Variants in CC2D1B observed in about 807,000 individuals in gnomAD.
CC2D1B encodes coiled-coil and C2 domain containing 1B, also known as coiled-coil and C2 domain-containing protein 1B.
A neutral mutation model predicts 110.8 loss-of-function variants in CC2D1B; 92 were observed. The observed-to-expected ratio is 0.83, with a 90% CI of 0.70 to 0.99. The LOEUF (loss-of-function observed/expected upper bound fraction) is 0.99. CC2D1B is among the 50% of genes least tolerant of loss of function. CC2D1B has a pLI of 0.00. For missense variants in CC2D1B, 1,136 were observed against 1,089.0 expected, an observed-to-expected ratio of 1.04 and a Z score of -0.61; for synonymous variants, 406 against 429.2, an observed-to-expected ratio of 0.95 and a Z score of 0.67.
At chr1:52,360,358 G>T (rs952766600) in intron 6 of CC2D1B, 66 bp downstream of exon 6, 5 of 1,597,240 alleles carry the variant, frequency 3.1e-6, no homozygotes, top group Non-Finnish European at 4.3e-6. Flanking sequence ...CCACTGGTGC[G>T]ATCTCCACCA....
intron 24 of CC2D1B, 58 bp downstream of exon 24, chr1:52,353,460 G>A: frequency 6.4e-7 from 1 of 1,559,274 alleles, no homozygotes; most frequent in Non-Finnish European, 8.6e-7. Flanking sequence ...TATGAGTTGA[G>A]TAGTTAGTTG....
chr1:52,353,972 C>G (rs924988384), intron 23 of CC2D1B: 5 of 290,394 alleles, frequency 1.7e-5, no homozygotes, highest in African/African-American at 1.1e-4. Context: ...ACCCTCACTT[C>G]ACAGATGGCC....
intron 2 of CC2D1B, 34 bp downstream of exon 2, chr1:52,364,518 C>G: frequency 6.6e-7 from 1 of 1,514,432 alleles, no homozygotes; most frequent in Admixed American, 1.9e-5. Context: ...CATCCCCAAA[C>G]CGACCCAGTA....
intron 5 of CC2D1B, 132 bp downstream of exon 5, chr1:52,360,842 G>T: frequency 8.5e-7 from 1 of 1,172,846 alleles, no homozygotes; most frequent in Non-Finnish European, 1.2e-6. Flanking sequence ...CTCAGTTTCT[G>T]CTTGGGGCGG....
rs114283191 is a variant in CC2D1B at position 52,363,585 on chromosome 1, T to C, written c.70-839A>G. ...GTTGTGAAACAAACTTTCTACCCAT[T>C]AAACATTAACCCCCCTTCCTCCCCT... On this transcript the variant is annotated intron_variant, in intron 2 of 24. Coordinates refer to ENST00000284376, the MANE Select transcript of CC2D1B (RefSeq NM_001330585.2). Among the ~76,000 whole-genome samples the C allele has an allele frequency of 7.1e-4, 108 of 152,150 alleles. 1 individual carries two copies. The highest frequency in any genetic ancestry group is 2.6e-3 in the African/African-American group (107 of 41,504).
Position 52,354,687 on chromosome 1 carries a change from C to T in CC2D1B, c.2351G>A (p.Arg784Lys). The part of the protein sequence containing the change: ...FEIFHKGSFF[R>K]SDKLVGTAHL... ...TGCTGTGCCAACCAGCTTGTCGCTT[C>T]TGAAGAAGGACCTGGGGAGTCAAGA... The change falls in exon 23 of 25, where the codon AGA becomes AAA. Residue 784 changes from arginine to lysine, a missense_variant. Physicochemically the swap from Arg to Lys is conservative, Grantham distance 26 (BLOSUM62 2). Coordinates refer to ENST00000284376, the MANE Select transcript of CC2D1B (RefSeq NM_001330585.2). The T allele has an allele frequency of 6.2e-7, 1 of 1,614,218 alleles. No individual in the cohort carries two copies. Among genetic ancestry groups the T allele is most frequent in the South Asian group, 1.1e-5 (1 of 91,082 alleles).
intron 24 of CC2D1B, 92 bp from the exon 25 acceptor site, chr1:52,353,315 A>C: frequency 2.7e-6 from 4 of 1,477,482 alleles, no homozygotes; most frequent in Non-Finnish European, 3.6e-6. Flanking sequence ...AGATAGATAG[A>C]TAGATAGTTA....
rs1364940613 is a variant in CC2D1B, at chr1:52,351,364, T to TA, written c.*1860dup. ...TAGAGCTGGCTGGAACTTTAGAGGA[T>TA]AACCACAGTGGTCCGTAACCCTCTT... On this transcript the variant is annotated 3_prime_UTR_variant, in exon 25 of 25. Transcript: ENST00000284376. 3 of 152,170 alleles carry TA rather than the reference T, an allele frequency of 2.0e-5. No homozygotes were observed. Among genetic ancestry groups the TA allele is most frequent in the Non-Finnish European group, 4.4e-5 (3 of 68,030 alleles). The allele number at this position is 152,170 out of a possible 1,614,324, so 9.4% of individuals were successfully genotyped here. A position where few individuals can be genotyped will look rare whatever the true frequency, so the allele number is the denominator to read the frequency against.
At chr1:52,360,573 C>A in intron 5 of CC2D1B, 24 bp from the exon 6 acceptor site, 1 of 1,610,650 alleles carries the variant, frequency 6.2e-7, no homozygotes, top group Non-Finnish European at 8.5e-7. Context: ...AGCTAAGGGC[C>A]TGGCCACTCC....
chr1:52,358,557 A>ATGGC, intron 12 of CC2D1B, 96 bp from the exon 13 acceptor site: 2 of 1,590,474 alleles, frequency 1.3e-6, no homozygotes. Context: ...CTGCTGGGGC[A>ATGGC]TGGCTGGGAT....
At chr1:52,363,878 A>G (rs1469580106) in intron 2 of CC2D1B, among the ~76,000 whole-genome samples, 1 of 152,024 alleles carries the variant, frequency 6.6e-6, no homozygotes, top group Non-Finnish European at 1.5e-5. Context: ...ATGGGGTTTC[A>G]CTATGTTGGC....
chr1:52,356,323 A>G (rs775850354), intron 17 of CC2D1B, 21 bp from the exon 18 acceptor site: 5 of 1,614,046 alleles, frequency 3.1e-6, no homozygotes. Flanking sequence ...TGGGTATGTC[A>G]GCATGATGGT....
intron 5 of CC2D1B, 190 bp from the exon 6 acceptor site, chr1:52,360,739 C>A (rs1405569666): frequency 1.0e-6 from 1 of 974,582 alleles, no homozygotes; most frequent in African/African-American, 1.6e-5. Flanking sequence ...ATACAGAGCC[C>A]CACTTGGTGG....
intron 23 of CC2D1B, 65 bp from the exon 24 acceptor site, chr1:52,353,712 T>C: frequency 8.1e-7 from 1 of 1,228,034 alleles, no homozygotes; most frequent in South Asian, 1.4e-5. Context: ...GGCAGGTCCC[T>C]ACATTCCCAG....
At chr1:52,359,654 G>A (rs1557550261) in intron 8 of CC2D1B, 51 bp downstream of exon 8, 2 of 1,552,154 alleles carry the variant, frequency 1.3e-6, no homozygotes, top group Non-Finnish European at 1.7e-6. Flanking sequence ...TTCTGAGCCT[G>A]TTTCCCCTAT....
chr1:52,351,835 G>A lies in CC2D1B; in HGVS notation c.*1390C>T, dbSNP rs970268393. ...GGAGGTGGGGGTTGCAGCGAGCTGA[G>A]ATCATGCCACTGCACTCCAGCCTGG... On this transcript the variant is annotated 3_prime_UTR_variant, in exon 25 of 25. Transcript: ENST00000284376. 5.5e-5 allele frequency: 8 copies of A among 145,174 alleles called. No individual in the cohort carries two copies. The highest frequency in any genetic ancestry group is 1.8e-4 in the African/African-American group (7 of 38,504). 9.0% of individuals were successfully genotyped at this position (145,174 alleles called of 1,614,324 possible).
chr1:52,357,975 C>T, intron 13 of CC2D1B, 77 bp from the exon 14 acceptor site: 1 of 1,509,014 alleles, frequency 6.6e-7, no homozygotes, highest in Non-Finnish European at 8.9e-7. Context: ...CTTGGGCTGT[C>T]TTCCTAACAC....
At position 52,356,043 on chromosome 1, in the gene CC2D1B, C is replaced by T. The variant is rs1646644382; in HGVS notation, c.2054+143G>A. 4 of 881,324 alleles carry T rather than the reference C, an allele frequency of 4.5e-6. No homozygotes were observed. The Admixed American group carries it at 7.9e-5, about 17-fold the overall frequency. The allele number at this position is 881,324 out of a possible 1,614,324, so 54.6% of individuals were successfully genotyped here. ...CAGCTGTGCGCTCTCCACTAGCATG[C>T]ACCCTGTCGTCCTCAGCAGCCCCAG... On this transcript the variant is annotated intron_variant, in intron 18 of 24. Coordinates refer to ENST00000284376, the MANE Select transcript of CC2D1B (RefSeq NM_001330585.2).
chr1:52,352,728 C>G lies in CC2D1B; in HGVS notation c.*497G>C, dbSNP rs1210633218. ...GTCAGGGATAAAGGCACAGGCAGAG[C>G]TGGGGTGACGGAGTTGTCTGGGACA... On this transcript the variant is annotated 3_prime_UTR_variant, in exon 25 of 25. Coordinates refer to ENST00000284376, the MANE Select transcript of CC2D1B (RefSeq NM_001330585.2). The G allele has an allele frequency of 1.3e-5, 2 of 153,266 alleles. No homozygotes were observed. The highest frequency in any genetic ancestry group is 2.9e-5 in the Non-Finnish European group (2 of 68,536). 9.5% of individuals were successfully genotyped at this position (153,266 alleles called of 1,614,324 possible).
Sources: gnomAD v4.1 joint callset for allele counts (sites outside exome capture counted in the v4.1 genomes callset) on GRCh38, gnomAD v4.1.1 for gene constraint, MANE v1.5 for transcripts, NCBI Gene and HGNC (gene_info 2026-07-23, HGNC 2026-07-21) for gene names.